Variants in TIGAR observed in about 807,000 individuals in gnomAD.
TIGAR encodes fructose-2,6-bisphosphatase TIGAR.
A neutral mutation model predicts 17.9 loss-of-function variants in TIGAR; 7 were observed. The observed-to-expected ratio is 0.39, with a 90% CI of 0.22 to 0.73. The LOEUF is 0.73. Among genes scored for constraint, TIGAR ranks in the 30% least tolerant of loss-of-function variants. TIGAR has a pLI of 0.42. For synonymous variants in TIGAR, 94 were observed against 108.6 expected (o/e 0.87, Z 0.84); for missense variants, 258 against 327.4 (o/e 0.79, Z 1.64).
At chr12:4,331,182 A>G (rs1591660150) in intron 1 of TIGAR, 98 bp from the exon 2 acceptor site, 1 of 1,037,610 alleles carries the variant, frequency 9.6e-7, no homozygotes, top group East Asian at 2.4e-5. Flanking sequence ...TTCACATGAT[A>G]TTTTTAGAGT....
At chr12:4,325,303 C>G (rs1864533273) in intron 1 of TIGAR, among the ~76,000 whole-genome samples, 1 of 152,118 alleles carries the variant, frequency 6.6e-6, no homozygotes, top group Admixed American at 6.5e-5. Flanking sequence ...TTGGCAGTTA[C>G]TTTTTGTGTA....
intron 1 of TIGAR, chr12:4,324,420 C>T: frequency 1.4e-6 from 2 of 1,449,808 alleles, no homozygotes; most frequent in South Asian, 1.1e-5. Flanking sequence ...CGATGCCGGG[C>T]CGGCAGTGCT....
chr12:4,352,249 T>G lies in TIGAR; in HGVS notation c.382-11T>G. The G allele has an allele frequency of 1.3e-6, 2 of 1,595,754 alleles. No homozygotes were observed. The highest frequency in any genetic ancestry group is 1.7e-6 in the Non-Finnish European group (2 of 1,171,662). On this transcript the variant is annotated splice_polypyrimidine_tract_variant and intron_variant, in intron 5 of 5. Transcript: ENST00000179259. The stretch of plus-strand genomic sequence containing the variant: ...GTCACTTTATTTTGACTTTTATTTC[T>G]TTTCTTGTAGGTGAAAATGCGTGGA...
chr12:4,325,497 T>C (rs1393623368), intron 1 of TIGAR, among the ~76,000 whole-genome samples: 5 of 151,802 alleles, frequency 3.3e-5, no homozygotes, highest in Admixed American at 6.6e-5. Context: ...TCCCAGCACT[T>C]TGGGAGGCCG....
At chr12:4,343,474 T>G (rs1204615856) in intron 3 of TIGAR, among the ~76,000 whole-genome samples, 1 of 152,178 alleles carries the variant, frequency 6.6e-6, no homozygotes, top group Non-Finnish European at 1.5e-5. Context: ...ATTGACCACA[T>G]AGTTGGAAGT....
chr12:4,353,995 A>G lies in TIGAR; in HGVS notation c.*1304A>G, dbSNP rs1864868375. The G allele has an allele frequency of 6.6e-6, 1 of 152,578 alleles. No homozygotes were observed. The highest frequency in any genetic ancestry group is 6.5e-5 in the Admixed American group (1 of 15,286). The allele number at this position is 152,578 out of a possible 1,614,324, so 9.5% of individuals were successfully genotyped here. On this transcript the variant is annotated 3_prime_UTR_variant, in exon 6 of 6. Transcript: ENST00000179259. ...TTTGATTAACTTAATTTTATACACA[A>G]GATTGGTCTTTCAGAAATCTTTATC...
chr12:4,324,533 T>C, intron 1 of TIGAR: 1 of 1,609,700 alleles, frequency 6.2e-7, no homozygotes, highest in Non-Finnish European at 8.5e-7. Context: ...ACGCCCACCA[T>C]GCTGCCCACC....
intron 1 of TIGAR, chr12:4,324,776 G>T: frequency 1.5e-6 from 1 of 663,554 alleles, no homozygotes; most frequent in Non-Finnish European, 2.8e-6. Flanking sequence ...AGGTGAGTTT[G>T]CGGAAGGTCC....
intron 3 of TIGAR, among the ~76,000 whole-genome samples, chr12:4,342,982 C>T (rs1345045141): frequency 6.6e-6 from 1 of 152,134 alleles, no homozygotes; most frequent in South Asian, 2.1e-4. Flanking sequence ...GTGCTGTATT[C>T]AGGAAATCCG....
intron 1 of TIGAR, among the ~76,000 whole-genome samples, chr12:4,326,059 A>G (rs147543570): frequency 6.6e-6 from 1 of 152,352 alleles, no homozygotes; most frequent in African/African-American, 2.4e-5. Context: ...ATGTCTTTTA[A>G]GAACTGTGAG....
intron 3 of TIGAR, among the ~76,000 whole-genome samples, chr12:4,342,190 A>G (rs1278580349): frequency 6.6e-6 from 1 of 152,232 alleles, no homozygotes; most frequent in African/African-American, 2.4e-5. Flanking sequence ...TAGAGAAAAA[A>G]GAATAAAAAG....
At chr12:4,331,132 A>T (rs966622248) in intron 1 of TIGAR, 148 bp from the exon 2 acceptor site, 28 of 713,200 alleles carry the variant, frequency 3.9e-5, no homozygotes, top group Admixed American at 5.5e-5. Flanking sequence ...GTTTAGAATA[A>T]ATTGTTTTTA....
rs550474468 is a variant in TIGAR, at chr12:4,337,164, C to CATTT, written c.192+21_192+24dup. Reference sequence around the variant, plus strand: ...TGATCTCATGAGGACAAAGCAGGTACATTTATTTATTTATTTATTTTGAGA... The same window carrying CATTT: ...TGATCTCATGAGGACAAAGCAGGTACATTTATTTATTTATTTATTTATTTTGAGA... On this transcript the variant is annotated splice_donor_region_variant and intron_variant, in intron 3 of 5. Transcript: ENST00000179259. The CATTT allele has an allele frequency of 0.014, 23,085 of 1,594,312 alleles. 183 individuals carry two copies. Among genetic ancestry groups the CATTT allele is most frequent in the Non-Finnish European group, 0.017 (19,346 of 1,164,446 alleles).
At chr12:4,350,528 C>A (rs550325203) in intron 4 of TIGAR, among the ~76,000 whole-genome samples, 49 of 152,278 alleles carry the variant, frequency 3.2e-4, no homozygotes, top group African/African-American at 1.2e-3. Context: ...GTAATCCCAG[C>A]ACTTTGGGAG....
Position 4,354,992 on chromosome 12 carries a change from A to G in TIGAR, c.*2301A>G. Among the ~76,000 whole-genome samples, 1 of 151,624 alleles carries G rather than the reference A, an allele frequency of 6.6e-6. No homozygotes were observed. Among genetic ancestry groups the G allele is most frequent in the East Asian group, 1.9e-4 (1 of 5,170 alleles). On this transcript the variant is annotated 3_prime_UTR_variant, in exon 6 of 6. Coordinates refer to ENST00000179259, the MANE Select transcript of TIGAR (RefSeq NM_020375.3). ...GTGATCCACCTGCCTTGGCCTTCCA[A>G]AGTGCTGGGATTGCAGGCATAAGCC...
Position 4,356,139 on chromosome 12 carries a change from G to A in TIGAR, c.*3448G>A, listed in dbSNP as rs2120704881. On this transcript the variant is annotated 3_prime_UTR_variant, in exon 6 of 6. Coordinates refer to ENST00000179259, the MANE Select transcript of TIGAR (RefSeq NM_020375.3). ...GCAGGCTGTAGGGGGTGCTATAGGA[G>A]CACAAGGTTGGAGGCAGGGAAGATG... Among the ~76,000 whole-genome samples the A allele has an allele frequency of 6.6e-6, 1 of 152,304 alleles. No homozygotes were observed. Among genetic ancestry groups the A allele is most frequent in the South Asian group, 2.1e-4 (1 of 4,832 alleles).
At position 4,356,915 on chromosome 12, in the gene TIGAR, CTT is replaced by C. The variant is rs527245830; in HGVS notation, c.*4225_*4226del. On this transcript the variant is annotated 3_prime_UTR_variant, in exon 6 of 6. Coordinates refer to ENST00000179259, the MANE Select transcript of TIGAR (RefSeq NM_020375.3). ...AACCATGGCTCCCATTCACCTGTCT[CTT>C]ATTTTCCTGTCCTTCCCACTCCTCA... Among the ~76,000 whole-genome samples the C allele has an allele frequency of 1.0e-3, 153 of 152,342 alleles. No homozygotes were observed. Among genetic ancestry groups the C allele is most frequent in the African/African-American group, 3.7e-3 (152 of 41,574 alleles).
At chr12:4,325,503 G>A (rs1864535611) in intron 1 of TIGAR, among the ~76,000 whole-genome samples, 1 of 152,012 alleles carries the variant, frequency 6.6e-6, no homozygotes, top group South Asian at 2.1e-4. Context: ...CACTTTGGGA[G>A]GCCGAGGCGG....
intron 1 of TIGAR, among the ~76,000 whole-genome samples, chr12:4,324,214 G>A (rs537646684): frequency 6.6e-6 from 1 of 152,260 alleles, no homozygotes; most frequent in South Asian, 2.1e-4. Flanking sequence ...ACTCCAACAC[G>A]TGTAGGTTGG....
Sources: gnomAD v4.1 joint callset for allele counts (sites outside exome capture counted in the v4.1 genomes callset) on GRCh38, gnomAD v4.1.1 for gene constraint, MANE v1.5 for transcripts, NCBI Gene and HGNC (gene_info 2026-07-23, HGNC 2026-07-21) for gene names.